The following CAPN14 variants were observed in gnomAD, a reference collection of about 807,000 sequenced individuals.
CAPN14 encodes the protein calpain 14.
In CAPN14, 94 loss-of-function variants were observed where a neutral mutation model predicts 101.3. That is an observed-to-expected ratio of 0.93 (90% CI 0.79 to 1.10). CAPN14 has a LOEUF of 1.10. Ranked by LOEUF, CAPN14 falls within the 50% of genes least tolerant of loss-of-function variation. The pLI, the probability that CAPN14 is intolerant of heterozygous loss-of-function variation, is 0.00. For synonymous variants in CAPN14, 338 were observed against 317.9 expected, an observed-to-expected ratio of 1.06 and a Z score of -0.67; for missense variants, 837 against 828.4, an observed-to-expected ratio of 1.01 and a Z score of -0.13.
chr2:31,206,040 T>TTA (rs1682069286), intron 1 of CAPN14, among the ~76,000 whole-genome samples: 1 of 146,272 alleles, frequency 6.8e-6, no homozygotes, highest in Non-Finnish European at 1.5e-5. Context: ...ATTTATTTAT[T>TTA]TTTTTTTTTT....
chr2:31,180,357 A>C (rs1680528897), intron 17 of CAPN14, among the ~76,000 whole-genome samples: 1 of 152,158 alleles, frequency 6.6e-6, no homozygotes, highest in Admixed American at 6.5e-5. Context: ...CTATCTATTC[A>C]ATATGCCTCT....
At chr2:31,188,077 G>C (rs1180267449) in intron 14 of CAPN14, among the ~76,000 whole-genome samples, 1 of 152,232 alleles carries the variant, frequency 6.6e-6, no homozygotes, top group Non-Finnish European at 1.5e-5. Context: ...AGCTCATACT[G>C]CCGGGGTTCT....
intron 12 of CAPN14, 111 bp from the exon 13 acceptor site, chr2:31,189,589 A>C: frequency 1.2e-6 from 1 of 820,238 alleles, no homozygotes; most frequent in East Asian, 2.6e-5. Flanking sequence ...TGCTCTGCCA[A>C]ATCCAATAGG....
chr2:31,185,050 C>A (rs1309131117), intron 16 of CAPN14, among the ~76,000 whole-genome samples: 2 of 152,228 alleles, frequency 1.3e-5, no homozygotes, highest in African/African-American at 4.8e-5. Flanking sequence ...GGTTTGGGCA[C>A]AGCTTGTTGA....
Position 31,206,666 on chromosome 2 carries a change from C to T in CAPN14, c.-52-1167G>A, listed in dbSNP as rs143353471. 9.7e-4 allele frequency among the ~76,000 whole-genome samples: 148 copies of T among 152,306 alleles called. 1 individual carries two copies. Among genetic ancestry groups the T allele is most frequent in the African/African-American group, 3.4e-3 (141 of 41,568 alleles). ...TGCCAAATACCAACAGTTGCCAGTA[C>T]GTGCCCATTCTCCCCTTTTCCTTGT... On this transcript the variant is annotated intron_variant, in intron 1 of 21. Transcript: ENST00000403897.
At chr2:31,187,288 G>C (rs1680942254) in intron 15 of CAPN14, among the ~76,000 whole-genome samples, 1 of 152,064 alleles carries the variant, frequency 6.6e-6, no homozygotes, top group Admixed American at 6.5e-5. Context: ...CAGAAACCAA[G>C]CGTGTGTCCC....
chr2:31,226,825 G>A (rs996775970), intron 1 of CAPN14, among the ~76,000 whole-genome samples: 5 of 152,166 alleles, frequency 3.3e-5, no homozygotes, highest in African/African-American at 1.2e-4. Flanking sequence ...CATATCAGCT[G>A]CCTCAAGGGT....
intron 2 of CAPN14, among the ~76,000 whole-genome samples, chr2:31,225,293 A>C (rs578029928): frequency 3.7e-4 from 57 of 152,132 alleles, no homozygotes; most frequent in African/African-American, 1.3e-3. Flanking sequence ...AATAAGTTTT[A>C]AATTTTTAAA....
At chr2:31,218,038 A>G (rs1347020072), upstream of CAPN14, among the ~76,000 whole-genome samples, 2 of 152,110 alleles carry the variant, frequency 1.3e-5, no homozygotes, top group East Asian at 3.9e-4. Context: ...TGTGCTATTG[A>G]GATCGCTCCC....
At chr2:31,188,038 T>C (rs1421942868) in intron 14 of CAPN14, among the ~76,000 whole-genome samples, 1 of 152,078 alleles carries the variant, frequency 6.6e-6, no homozygotes, top group Non-Finnish European at 1.5e-5. Context: ...AAACACCAGA[T>C]AAAGAGAAGC....
At chr2:31,233,128 TC>T (rs1417358133) in intron 1 of CAPN14, among the ~76,000 whole-genome samples, 5 of 152,216 alleles carry the variant, frequency 3.3e-5, no homozygotes, top group Non-Finnish European at 5.9e-5. Flanking sequence ...AAAGCAATGT[TC>T]ACTGAGAACT....
chr2:31,210,657 A>G (rs1257267090), intron 1 of CAPN14, among the ~76,000 whole-genome samples: 1 of 152,202 alleles, frequency 6.6e-6, no homozygotes, highest in Non-Finnish European at 1.5e-5. Flanking sequence ...AATTACCCAT[A>G]TTTCCACTAC....
chr2:31,176,840 G>A (rs143072396), intron 20 of CAPN14, among the ~76,000 whole-genome samples, 186 bp downstream of exon 20: 1 of 152,364 alleles, frequency 6.6e-6, no homozygotes, highest in East Asian at 1.9e-4. Flanking sequence ...GAACAAGTCA[G>A]GAAAAGATGA....
At chr2:31,231,287 T>C (rs1184958967) in intron 1 of CAPN14, among the ~76,000 whole-genome samples, 1 of 152,234 alleles carries the variant, frequency 6.6e-6, no homozygotes, top group East Asian at 1.9e-4. Context: ...ATTTCAATCA[T>C]ATCTCTCAAT....
intron 1 of CAPN14, among the ~76,000 whole-genome samples, chr2:31,209,425 T>G (rs1682278401): frequency 6.6e-6 from 1 of 152,140 alleles, no homozygotes; most frequent in Non-Finnish European, 1.5e-5. Context: ...GGTGCTCAGA[T>G]AACCTAAGTG....
chr2:31,203,123 G>T lies in CAPN14; in HGVS notation c.242C>A (p.Pro81His). Reference sequence around the variant, plus strand: ...TTTGGCCTTGGCAAAATAAAACTGGGGATTGCTGTGCAGCTCCTGGGAAAG... The same window carrying T: ...TTTGGCCTTGGCAAAATAAAACTGGTGATTGCTGTGCAGCTCCTGGGAAAG... ...WKRPPELHSN[P>H]QFYFAKAKRL... The change falls in exon 3 of 22, where the codon CCC becomes CAC. Residue 81 changes from proline (P) to histidine (H), a missense_variant. By Grantham distance (77) the Pro-to-His change is moderately conservative. Transcript: ENST00000403897. The T allele has an allele frequency of 6.4e-7, 1 of 1,551,518 alleles. No individual in the cohort carries two copies. The highest frequency in any genetic ancestry group is 1.2e-5 in the South Asian group (1 of 84,026).
At chr2:31,218,076 C>A (rs1218611038), upstream of CAPN14, among the ~76,000 whole-genome samples, 2 of 152,138 alleles carry the variant, frequency 1.3e-5, no homozygotes, top group East Asian at 3.9e-4. Context: ...CTTTCCAAAT[C>A]CCCCATTTTG....
intron 21 of CAPN14, among the ~76,000 whole-genome samples, chr2:31,175,791 C>A (rs959102411): frequency 6.6e-6 from 1 of 152,182 alleles, no homozygotes; most frequent in Non-Finnish European, 1.5e-5. Flanking sequence ...TGAATCATTT[C>A]TAAGTGGCCA....
intron 1 of CAPN14, among the ~76,000 whole-genome samples, chr2:31,210,218 C>T (rs1044578728): frequency 2.0e-5 from 3 of 151,926 alleles, no homozygotes; most frequent in Non-Finnish European, 4.4e-5. Flanking sequence ...CTGAGGAGGG[C>T]GGATCACGAG....
Sources: gnomAD v4.1 joint callset for allele counts (sites outside exome capture counted in the v4.1 genomes callset) on GRCh38, gnomAD v4.1.1 for gene constraint, MANE v1.5 for transcripts, NCBI Gene and HGNC (gene_info 2026-07-23, HGNC 2026-07-21) for gene names.